Variants in STK32A observed in about 807,000 individuals in gnomAD.
The protein encoded by STK32A is serine/threonine-protein kinase 32A.
A neutral mutation model predicts 53.2 loss-of-function variants in STK32A; 41 were observed. That is an observed-to-expected ratio of 0.77 (90% CI 0.60 to 1.00). The LOEUF is 1.00. Among genes scored for constraint, STK32A ranks in the 50% least tolerant of loss-of-function variants. STK32A has a pLI of 0.00. For synonymous variants in STK32A, 166 were observed against 162.8 expected, an observed-to-expected ratio of 1.02 and a Z score of -0.15; for missense variants, 458 against 485.8, an observed-to-expected ratio of 0.94 and a Z score of 0.54.
the STK32A span, chr5:147,394,177 G>T: frequency 1.3e-6 from 2 of 1,573,980 alleles, no homozygotes; most frequent in South Asian, 1.1e-5. Context: ...TGGCGGGTAG[G>T]GGGATGTGGG....
In STK32A at chr5:147,324,092, T is replaced by C. The variant is rs372814192; in HGVS notation, c.434+21T>C. On this transcript the variant is annotated intron_variant, in intron 5 of 12. Transcript: ENST00000397936. Reference sequence around the variant, plus strand: ...CACAGGTCAGTCAAGTCCAAGGAGATGGCCATGAACGTAACGCAAGGAGAG... The same window carrying C: ...CACAGGTCAGTCAAGTCCAAGGAGACGGCCATGAACGTAACGCAAGGAGAG... 5.2e-5 allele frequency: 83 copies of C among 1,584,818 alleles called. 1 individual carries two copies. In the African/African-American group the frequency reaches 9.7e-4, roughly 18 times the overall value.
Position 147,386,001 on chromosome 5 carries a change from G to A in STK32A, c.*2018G>A, listed in dbSNP as rs1165574983. The A allele has an allele frequency of 1.3e-5, 2 of 152,226 alleles. No homozygotes were observed. The highest frequency in any genetic ancestry group is 6.5e-5 in the Admixed American group (1 of 15,290). 9.4% of individuals were successfully genotyped at this position (152,226 alleles called of 1,614,324 possible). A position where few individuals can be genotyped will look rare whatever the true frequency, so the allele number is the denominator to read the frequency against. ...GCAACCAAGTATGTGTAGAAAGCCAGAGCTAAACTTCAGCTTGGCATTCAC... is the reference window on the plus strand; with the variant it reads ...GCAACCAAGTATGTGTAGAAAGCCAAAGCTAAACTTCAGCTTGGCATTCAC... On this transcript the variant is annotated 3_prime_UTR_variant, in exon 13 of 13. Coordinates refer to ENST00000397936, the MANE Select transcript of STK32A (RefSeq NM_001112724.2).
chr5:147,309,543 G>A (rs948686986), intron 4 of STK32A, among the ~76,000 whole-genome samples: 9 of 152,156 alleles, frequency 5.9e-5, no homozygotes, highest in Non-Finnish European at 1.5e-5. Context: ...TTGAGTTTAA[G>A]CAGGATTGGA....
At chr5:147,328,069 A>T (rs551620253) in intron 5 of STK32A, among the ~76,000 whole-genome samples, 1 of 152,362 alleles carries the variant, frequency 6.6e-6, no homozygotes, top group East Asian at 1.9e-4. Context: ...TGTAAGAAAG[A>T]CAAGTACTTC....
intron 11 of STK32A, among the ~76,000 whole-genome samples, chr5:147,378,838 GTCTTTTTTTTT>G (rs1757335446): frequency 2.1e-5 from 1 of 48,704 alleles, no homozygotes; most frequent in African/African-American, 6.6e-5. Flanking sequence ...AATGCCTCCA[GTCTTTTTTTTT>G]TTTTTTTTTT....
At chr5:147,260,226 T>C (rs987488065) in intron 2 of STK32A, among the ~76,000 whole-genome samples, 1 of 107,064 alleles carries the variant, frequency 9.3e-6, no homozygotes, top group Non-Finnish European at 1.9e-5. Context: ...TCTCTCTCTC[T>C]CCTCTCTGTC....
chr5:147,251,508 G>A (rs1328271599), intron 2 of STK32A, among the ~76,000 whole-genome samples: 2 of 151,988 alleles, frequency 1.3e-5, no homozygotes, highest in East Asian at 1.9e-4. Flanking sequence ...GGGTAGATCC[G>A]GAATCTTGAT....
At chr5:147,249,505 G>A (rs1753890064) in intron 2 of STK32A, among the ~76,000 whole-genome samples, 1 of 152,116 alleles carries the variant, frequency 6.6e-6, no homozygotes, top group African/African-American at 2.4e-5. Flanking sequence ...TTTCTGGGGG[G>A]TGGGAGGCAG....
At chr5:147,346,729 A>T (rs2400295) in intron 6 of STK32A, among the ~76,000 whole-genome samples, 35,790 of 152,072 alleles carry the variant, frequency 0.24, 5,466 homozygotes, top group African/African-American at 0.43. Context: ...TTCTATCAAT[A>T]CCATAGTGTC....
At chr5:147,261,231 A>G (rs1473834459) in intron 2 of STK32A, among the ~76,000 whole-genome samples, 1 of 152,232 alleles carries the variant, frequency 6.6e-6, no homozygotes, top group Non-Finnish European at 1.5e-5. Flanking sequence ...CAAAAGGAAT[A>G]GCACTCGAAT....
chr5:147,320,970 G>T (rs1754284942), intron 4 of STK32A, among the ~76,000 whole-genome samples: 1 of 152,208 alleles, frequency 6.6e-6, no homozygotes, highest in African/African-American at 2.4e-5. Flanking sequence ...AAATATAACT[G>T]CAAGGTAGAG....
intron 7 of STK32A, among the ~76,000 whole-genome samples, chr5:147,355,781 A>T (rs10065264): frequency 0.029 from 2,906 of 99,984 alleles, 143 homozygotes; most frequent in East Asian, 0.26. Context: ...TATGTGTGTG[A>T]GTGTGTGTGT....
chr5:147,369,817 A>T (rs941513899), intron 8 of STK32A, among the ~76,000 whole-genome samples: 24 of 152,252 alleles, frequency 1.6e-4, no homozygotes, highest in African/African-American at 5.8e-4. Context: ...TGTATTGTGC[A>T]CCTACTGAAT....
Position 147,374,940 on chromosome 5 carries a change from A to G in STK32A, c.904-150A>G, listed in dbSNP as rs984605218. 3 of 569,398 alleles carry G rather than the reference A, an allele frequency of 5.3e-6. No individual in the cohort carries two copies. The African/African-American group carries it at 5.8e-5, about 11-fold the overall frequency. 35.3% of individuals were successfully genotyped at this position (569,398 alleles called of 1,614,324 possible). A position where few individuals can be genotyped will look rare whatever the true frequency, so the allele number is the denominator to read the frequency against. ...GAAGAATATGAAAAACGATGCTGGC[A>G]ATAAATAACGTAAAACTTAGAGTGG... On this transcript the variant is annotated intron_variant, in intron 10 of 12. Transcript: ENST00000397936.
intron 2 of STK32A, among the ~76,000 whole-genome samples, chr5:147,268,694 G>A (rs1754909111): frequency 6.6e-6 from 1 of 152,160 alleles, no homozygotes; most frequent in Non-Finnish European, 1.5e-5. Context: ...GGGGGAATAT[G>A]CATTTCAAGA....
intron 2 of STK32A, 87 bp downstream of exon 2, chr5:147,239,773 C>A: frequency 1.9e-6 from 2 of 1,066,588 alleles, no homozygotes; most frequent in Non-Finnish European, 1.4e-6. Flanking sequence ...TAAGCATAAG[C>A]ATGGTCTGTA....
chr5:147,310,138 GA>G (rs1753617679), intron 4 of STK32A, among the ~76,000 whole-genome samples: 2 of 152,094 alleles, frequency 1.3e-5, no homozygotes, highest in Non-Finnish European at 2.9e-5. Flanking sequence ...TCTACTGCTG[GA>G]CATCAGAAAT....
intron 11 of STK32A, among the ~76,000 whole-genome samples, chr5:147,378,126 CTG>C (rs1757303645): frequency 6.6e-6 from 1 of 152,030 alleles, no homozygotes; most frequent in African/African-American, 2.4e-5. Context: ...ATTCAGATGA[CTG>C]TAAAATTCCT....
At chr5:147,251,606 G>A (rs1335522865) in intron 2 of STK32A, among the ~76,000 whole-genome samples, 1 of 152,128 alleles carries the variant, frequency 6.6e-6, no homozygotes, top group Non-Finnish European at 1.5e-5. Flanking sequence ...AACAAACATT[G>A]GGAATTGCTC....
Sources: allele counts gnomAD v4.1 joint callset (sites outside exome capture counted in the v4.1 genomes callset), GRCh38; gene constraint gnomAD v4.1.1; transcripts MANE v1.5; gene names NCBI Gene and HGNC (gene_info 2026-07-23, HGNC 2026-07-21).